Variants in PPP4R1 observed in about 807,000 individuals in gnomAD.
PPP4R1 encodes the protein serine/threonine-protein phosphatase 4 regulatory subunit 1.
In PPP4R1, 42 loss-of-function variants were observed where a neutral mutation model predicts 111.2. The observed-to-expected ratio is 0.38, with a 90% CI of 0.29 to 0.49. The LOEUF (loss-of-function observed/expected upper bound fraction) is 0.49. PPP4R1 is among the 20% of genes least tolerant of loss of function. The pLI, the probability that PPP4R1 is intolerant of heterozygous loss-of-function variation, is 0.97. For missense variants in PPP4R1, 1,012 were observed against 1,161.6 expected (o/e 0.87, Z 1.87); for synonymous variants, 409 against 405.5 (o/e 1.01, Z -0.10).
intron 13 of PPP4R1, 76 bp downstream of exon 13, chr18:9,561,904 A>T: frequency 8.2e-7 from 1 of 1,225,816 alleles, no homozygotes; most frequent in Non-Finnish European, 1.2e-6. Context: ...AAGAAGGGGC[A>T]AATTAGGTCA....
At chr18:9,596,531 G>T (rs1408476786) in intron 2 of PPP4R1, among the ~76,000 whole-genome samples, 1 of 152,144 alleles carries the variant, frequency 6.6e-6, no homozygotes, top group East Asian at 1.9e-4. Flanking sequence ...GATATTTCCA[G>T]GCACAAAGTA....
At chr18:9,602,692 T>C (rs2067409257) in intron 2 of PPP4R1, among the ~76,000 whole-genome samples, 2 of 151,888 alleles carry the variant, frequency 1.3e-5, no homozygotes. Flanking sequence ...AAATCCCATC[T>C]CTTCTAAAAA....
At chr18:9,551,908 C>T (rs1428390993) in intron 16 of PPP4R1, 1 of 152,382 alleles carries the variant, frequency 6.6e-6, no homozygotes, top group African/African-American at 2.4e-5. Context: ...TGGCAGCCCA[C>T]AGCGAGAAAA....
In PPP4R1 at chr18:9,614,124, G is replaced by A. The variant is rs370789850; in HGVS notation, c.52+102C>T. 104 of 1,035,416 alleles carry A rather than the reference G, an allele frequency of 1.0e-4. 1 individual carries two copies. In the East Asian group the frequency reaches 3.7e-3, roughly 37 times the overall value. The allele number at this position is 1,035,416 out of a possible 1,614,324, so 64.1% of individuals were successfully genotyped here. A position where few individuals can be genotyped will look rare whatever the true frequency, so the allele number is the denominator to read the frequency against. ...CCGCCTGGGGCCGCCCTCGCCCACCGTCCCCTCAGCCAGCCAGGGCCCGGC... is the reference window on the plus strand; with the variant it reads ...CCGCCTGGGGCCGCCCTCGCCCACCATCCCCTCAGCCAGCCAGGGCCCGGC... On this transcript the variant is annotated intron_variant, in intron 2 of 19. Transcript: ENST00000400556. The surrounding 1 kb of genome is among the most constrained non-coding windows in gnomAD (Gnocchi z 4.1).
At chr18:9,551,760 T>C (rs1184494995) in intron 16 of PPP4R1, 1 of 152,158 alleles carries the variant, frequency 6.6e-6, no homozygotes, top group Non-Finnish European at 1.5e-5. Flanking sequence ...CTGTAGGAAG[T>C]CCTGCCCGAG....
At chr18:9,608,802 G>GT (rs1397541943) in intron 2 of PPP4R1, among the ~76,000 whole-genome samples, 1 of 152,182 alleles carries the variant, frequency 6.6e-6, no homozygotes, top group Non-Finnish European at 1.5e-5. Flanking sequence ...GGTAACAATA[G>GT]TTTAATAAAC....
At chr18:9,569,085 A>G (rs1309688831) in intron 11 of PPP4R1, among the ~76,000 whole-genome samples, 1 of 151,616 alleles carries the variant, frequency 6.6e-6, no homozygotes, top group African/African-American at 2.4e-5. Context: ...AATCCCAGCT[A>G]CTCGGGAAGC....
upstream of PPP4R1, among the ~76,000 whole-genome samples, chr18:9,616,095 ACACACTCAGAATG>A (rs1390380630): frequency 4.6e-5 from 7 of 152,188 alleles, no homozygotes; most frequent in African/African-American, 1.7e-4. Flanking sequence ...AATTCAGCTG[ACACACTCAGAATG>A]ACAAAGGAGT....
In PPP4R1 at chr18:9,614,329, C is replaced by G. The variant is rs1365027419; in HGVS notation, c.8-59G>C. The G allele has an allele frequency of 1.5e-5, 17 of 1,106,548 alleles. No homozygotes were observed. Among genetic ancestry groups the G allele is most frequent in the Non-Finnish European group, 1.8e-5 (16 of 899,568 alleles). The allele number at this position is 1,106,548 out of a possible 1,614,324, so 68.5% of individuals were successfully genotyped here. ...GCGCCCCGGGGCCCGGCGCGACGCCCCCCCCCCGCCCGCCTCCCCCCCGCC... is the reference window on the plus strand; with the variant it reads ...GCGCCCCGGGGCCCGGCGCGACGCCGCCCCCCCGCCCGCCTCCCCCCCGCC... On this transcript the variant is annotated intron_variant, in intron 1 of 19. Transcript: ENST00000400556. The surrounding 1 kb of genome is among the most constrained non-coding windows in gnomAD (Gnocchi z 4.1).
upstream of PPP4R1, chr18:9,614,619 C>T (rs1598978155): frequency 2.6e-6 from 1 of 390,614 alleles, no homozygotes; most frequent in Non-Finnish European, 3.4e-6. This position sits in a 1 kb window ranked among gnomAD's most constrained non-coding sequence, Gnocchi z 4.1. Flanking sequence ...GGCGCGCGCG[C>T]GGGGCGGGCC....
chr18:9,588,261 A>G, intron 5 of PPP4R1, 26 bp from the exon 6 acceptor site: 3 of 1,608,328 alleles, frequency 1.9e-6, no homozygotes, highest in Non-Finnish European at 2.5e-6. Flanking sequence ...CAACACAAAG[A>G]AAGTACATAT....
intron 10 of PPP4R1, among the ~76,000 whole-genome samples, chr18:9,571,010 CAG>C: frequency 6.6e-6 from 1 of 152,200 alleles, no homozygotes; most frequent in Middle Eastern, 3.4e-3. Flanking sequence ...GTAGTGGAAA[CAG>C]AAATTCCTAC....
chr18:9,599,684 G>A (rs1391101656), intron 2 of PPP4R1: 2 of 152,084 alleles, frequency 1.3e-5, no homozygotes, highest in African/African-American at 4.8e-5. Flanking sequence ...CTCTCATCTG[G>A]CCTCAGTTTT....
At chr18:9,599,084 T>C (rs1416598329) in intron 2 of PPP4R1, among the ~76,000 whole-genome samples, 1 of 152,118 alleles carries the variant, frequency 6.6e-6, no homozygotes, top group African/African-American at 2.4e-5. Context: ...AAATTTCTTA[T>C]TTTTCAAATC....
At chr18:9,569,128 T>C (rs1434047272) in intron 11 of PPP4R1, among the ~76,000 whole-genome samples, 1 of 151,102 alleles carries the variant, frequency 6.6e-6, no homozygotes, top group African/African-American at 2.4e-5. Context: ...CCAGAGGTTG[T>C]TGTGAGCCAA....
intron 9 of PPP4R1, among the ~76,000 whole-genome samples, chr18:9,578,868 T>A (rs1465968630): frequency 6.6e-6 from 1 of 152,226 alleles, no homozygotes; most frequent in Non-Finnish European, 1.5e-5. Context: ...TAACGCTGTA[T>A]GCACGAATTT....
In PPP4R1 at chr18:9,577,103, C is replaced by CA; in HGVS notation, c.1006_1007insT (p.Ser336MetfsTer14). The CA allele has an allele frequency of 6.3e-7, 1 of 1,596,804 alleles. No homozygotes were observed. The highest frequency in any genetic ancestry group is 8.5e-7 in the Non-Finnish European group (1 of 1,170,062). On this transcript the variant is annotated frameshift_variant, in exon 10 of 20. Coordinates refer to ENST00000400556, the MANE Select transcript of PPP4R1 (RefSeq NM_001042388.3). LOFTEE classifies it high-confidence loss of function. ...TACTGACATCTCTTCTGAACTTTTG[C>CA]TTTCTTCTTTAAAATACTGGCCTGA... is the stretch of plus-strand genomic sequence containing the variant.
rs1260303904 is a variant in PPP4R1, at chr18:9,546,902, ATCTC to A, written c.*883_*886del. 2.6e-5 allele frequency: 4 copies of A among 152,186 alleles called. No individual in the cohort carries two copies. The highest frequency in any genetic ancestry group is 9.7e-5 in the African/African-American group (4 of 41,436). The allele number at this position is 152,186 out of a possible 1,614,324, so 9.4% of individuals were successfully genotyped here. On this transcript the variant is annotated 3_prime_UTR_variant, in exon 20 of 20. Transcript: ENST00000400556. Reference sequence around the variant, plus strand: ...CTAGAAAACAATCAAAAGTGTATATATCTCTCTCTATAGATCTTATTAATAAATT... The same window carrying A: ...CTAGAAAACAATCAAAAGTGTATATATCTCTATAGATCTTATTAATAAATT...
chr18:9,547,789 C>T lies in PPP4R1; in HGVS notation c.2853G>A (p.Ter951=). 2.5e-6 allele frequency: 4 copies of T among 1,612,808 alleles called. No individual in the cohort carries two copies. Among genetic ancestry groups the T allele is most frequent in the Non-Finnish European group, 2.5e-6 (3 of 1,179,912 alleles). ...GGAAAGACACCGAGATTCAAGCCTT[C>T]TAGTAGGTTGAGGACGCTGTGCTCA... ...DAMSTASSTY[*] The change falls in exon 20 of 20, where the codon TAG becomes TAA. Residue 951 remains the stop codon, a stop_retained_variant. Coordinates refer to ENST00000400556, the MANE Select transcript of PPP4R1 (RefSeq NM_001042388.3).
Sources: allele counts gnomAD v4.1 joint callset (sites outside exome capture counted in the v4.1 genomes callset), GRCh38; gene constraint gnomAD v4.1.1; non-coding constraint Gnocchi (gnomAD v3.1); transcripts MANE v1.5; gene names NCBI Gene and HGNC (gene_info 2026-07-23, HGNC 2026-07-21).